The following TNC variants were observed in gnomAD, a reference collection of about 807,000 sequenced individuals.
TNC encodes the protein tenascin.
TNC carries 109 observed loss-of-function variants against 202.4 expected under a neutral mutation model. That is an observed-to-expected ratio of 0.54 (90% confidence interval 0.46 to 0.63). The LOEUF is 0.63. Ranked by LOEUF, TNC falls within the 30% of genes least tolerant of loss-of-function variation. The pLI, the probability that TNC is intolerant of heterozygous loss-of-function variation, is 0.00. For missense variants in TNC, 2,756 were observed against 2,833.3 expected (o/e 0.97, Z 0.62); for synonymous variants, 1,007 against 1,089.7 (o/e 0.92, Z 1.50).
intron 1 of TNC, among the ~76,000 whole-genome samples, chr9:115,097,835 A>G (rs1835913161): frequency 6.6e-6 from 1 of 152,234 alleles, no homozygotes; most frequent in East Asian, 1.9e-4. Flanking sequence ...GAAAGCAGAA[A>G]GGTAGAGACT....
intron 10 of TNC, among the ~76,000 whole-genome samples, chr9:115,067,336 A>G (rs1342955845): frequency 3.4e-5 from 5 of 147,450 alleles, no homozygotes; most frequent in Admixed American, 3.4e-4. Context: ...TTCTTATCCC[A>G]CTTTCCTGTT....
intron 1 of TNC, among the ~76,000 whole-genome samples, chr9:115,106,666 T>C (rs568659501): frequency 6.6e-6 from 1 of 152,260 alleles, no homozygotes; most frequent in African/African-American, 2.4e-5. Context: ...GAGAGGAAGA[T>C]ACAGTGAGAA....
Position 115,026,565 on chromosome 9 carries a change from C to T in TNC, c.6300G>A (p.Lys2100=). 1 of 1,614,090 alleles carries T rather than the reference C, an allele frequency of 6.2e-7. No homozygotes were observed. The change falls in exon 26 of 28, where the codon AAG becomes AAA. Residue 2100 remains lysine, a synonymous_variant. Coordinates refer to ENST00000350763, the MANE Select transcript of TNC (RefSeq NM_002160.4). Reference sequence around the variant, plus strand: ...TCCCACTGTACCCCTCCACCTTCAGCTTGTAGCGAGTCTTGGCATCTCCCA... The same window carrying T: ...TCCCACTGTACCCCTCCACCTTCAGTTTGTAGCGAGTCTTGGCATCTCCCA... ...FSVGDAKTRY[K]LKVEGYSGTA...
chr9:115,031,690 G>A lies in TNC; in HGVS notation c.5788-5C>T. The A allele has an allele frequency of 6.2e-7, 1 of 1,605,502 alleles. No individual in the cohort carries two copies. Among genetic ancestry groups the A allele is most frequent in the Non-Finnish European group, 8.5e-7 (1 of 1,177,168 alleles). ...ATCTGGACCCACAATGACTTCCTAA[G>A]AGCAGAAGAAAAAGTATAATGGCTT... On this transcript the variant is annotated splice_region_variant and splice_polypyrimidine_tract_variant and intron_variant, in intron 22 of 27. Transcript: ENST00000350763.
intron 15 of TNC, among the ~76,000 whole-genome samples, chr9:115,054,694 G>A (rs1831969473): frequency 6.6e-6 from 1 of 152,120 alleles, no homozygotes; most frequent in South Asian, 2.1e-4. Context: ...GCAAAATGAG[G>A]GGCATTTTTC....
intron 15 of TNC, among the ~76,000 whole-genome samples, chr9:115,054,462 C>T (rs1831943479): frequency 6.6e-6 from 1 of 152,138 alleles, no homozygotes; most frequent in African/African-American, 2.4e-5. Flanking sequence ...CTATATTTTG[C>T]TGTAGAAACA....
At position 115,116,420 on chromosome 9, in the gene TNC, G is replaced by A. The variant is rs185812776; in HGVS notation, c.-137+1562C>T. On this transcript the variant is annotated intron_variant, in intron 1 of 27. Transcript: ENST00000350763. Reference sequence around the variant, plus strand: ...TACATCTCCTGCAAATGACTTGTATGCGCACAAAGCCAGAAACTCTTCACT... The same window carrying A: ...TACATCTCCTGCAAATGACTTGTATACGCACAAAGCCAGAAACTCTTCACT... 1.1e-4 allele frequency among the ~76,000 whole-genome samples: 16 copies of A among 152,286 alleles called. No homozygotes were observed. In the East Asian group the frequency reaches 2.5e-3, roughly 24 times the overall value.
chr9:115,037,130 C>G (rs536755211), intron 20 of TNC, among the ~76,000 whole-genome samples: 2 of 152,320 alleles, frequency 1.3e-5, no homozygotes, highest in Admixed American at 1.3e-4. Context: ...CCCTCCTCCC[C>G]ATCAGTTCCC....
At position 115,020,624 on chromosome 9, in the gene TNC, T is replaced by C. The variant is rs933659201; in HGVS notation, c.*533A>G. 10 of 362,250 alleles carry C rather than the reference T, an allele frequency of 2.8e-5. No homozygotes were observed. Among genetic ancestry groups the C allele is most frequent in the Non-Finnish European group, 3.3e-5 (6 of 183,150 alleles). 22.4% of individuals were successfully genotyped at this position (362,250 alleles called of 1,614,324 possible). On this transcript the variant is annotated 3_prime_UTR_variant, in exon 28 of 28. Coordinates refer to ENST00000350763, the MANE Select transcript of TNC (RefSeq NM_002160.4). ...AAAGAAAGATCTCTTGAAAAATCCT[T>C]AGTTTTCATCATCATCATCATCATT...
chr9:115,114,628 G>C (rs891719560), intron 1 of TNC, among the ~76,000 whole-genome samples: 3 of 152,110 alleles, frequency 2.0e-5, no homozygotes, highest in Non-Finnish European at 4.4e-5. Context: ...TGCCAGCTGG[G>C]GGCTTCTCCA....
intron 27 of TNC, 144 bp downstream of exon 27, chr9:115,023,829 C>T: frequency 1.0e-6 from 1 of 957,714 alleles, no homozygotes; most frequent in South Asian, 1.7e-5. Flanking sequence ...TGAGATTGCT[C>T]ACTGCCTTGG....
In TNC at chr9:115,041,304, A is replaced by AGCGGGGG. The variant is rs369968281; in HGVS notation, c.5249-221_5249-220insCCCCCGC. On this transcript the variant is annotated intron_variant, in intron 18 of 27. Transcript: ENST00000350763. ...TGCAGATGCCAAAAACAAAGCCAGG[A>AGCGGGGG]GGGGCGGGGGAAAACATGAAGTCAC... is the stretch of plus-strand genomic sequence containing the variant. 2.8e-3 allele frequency among the ~76,000 whole-genome samples: 298 copies of AGCGGGGG among 106,142 alleles called. 5 individuals carry two copies. Among genetic ancestry groups the AGCGGGGG allele is most frequent in the Non-Finnish European group, 3.3e-3 (169 of 51,016 alleles). The allele number at this position is 106,142 out of a possible 152,430, so 69.6% of individuals were successfully genotyped here.
intron 2 of TNC, 88 bp from the exon 3 acceptor site, chr9:115,087,361 C>T (rs1290807709): frequency 4.3e-6 from 6 of 1,397,756 alleles, no homozygotes; most frequent in African/African-American, 2.9e-5. Context: ...TCAAATTCAG[C>T]TGAAGGACGG....
chr9:115,106,171 C>T (rs561234338), intron 1 of TNC, among the ~76,000 whole-genome samples: 4 of 152,106 alleles, frequency 2.6e-5, no homozygotes, highest in Non-Finnish European at 4.4e-5. Flanking sequence ...TTATACTGTG[C>T]GTGGCACTTT....
intron 15 of TNC, chr9:115,052,713 G>A: frequency 1.4e-6 from 1 of 690,976 alleles, no homozygotes; most frequent in Non-Finnish European, 2.7e-6. Context: ...CTCTGTGTTA[G>A]ACAAGTGAGA....
At chr9:115,027,391 AC>A (rs1197399434) in intron 25 of TNC, among the ~76,000 whole-genome samples, 1 of 151,956 alleles carries the variant, frequency 6.6e-6, no homozygotes, top group African/African-American at 2.4e-5. Context: ...GGAGTTCGAG[AC>A]CAGCCTGGCC....
At chr9:115,101,055 T>C (rs1156719420) in intron 1 of TNC, among the ~76,000 whole-genome samples, 1 of 152,176 alleles carries the variant, frequency 6.6e-6, no homozygotes, top group Non-Finnish European at 1.5e-5. Context: ...GTTTTTTACT[T>C]TTCTGTCTAT....
chr9:115,076,212 G>T, intron 8 of TNC, 91 bp from the exon 9 acceptor site: 4 of 1,441,280 alleles, frequency 2.8e-6, no homozygotes, highest in East Asian at 2.3e-5. Flanking sequence ...GTCTCTGGAG[G>T]CTACAACAAA....
At chr9:115,036,830 C>T (rs1407041051) in intron 20 of TNC, among the ~76,000 whole-genome samples, 2 of 152,154 alleles carry the variant, frequency 1.3e-5, no homozygotes, top group African/African-American at 4.8e-5. Context: ...AGGTGACCAA[C>T]CATCCTGGTT....
Sources: allele counts gnomAD v4.1 joint callset (sites outside exome capture counted in the v4.1 genomes callset), GRCh38; gene constraint gnomAD v4.1.1; transcripts MANE v1.5; gene names NCBI Gene and HGNC (gene_info 2026-07-23, HGNC 2026-07-21).